Variants in ZRANB3 observed in about 807,000 individuals in gnomAD.
The protein encoded by ZRANB3 is zinc finger RANBP2-type containing 3, also known as DNA annealing helicase and endonuclease ZRANB3.
A neutral mutation model predicts 133.8 loss-of-function variants in ZRANB3; 125 were observed. The observed-to-expected ratio is 0.93, with a 90% CI of 0.81 to 1.08. The LOEUF (loss-of-function observed/expected upper bound fraction) is 1.08, where lower values mean the gene tolerates loss of function less well. Among genes scored for constraint, ZRANB3 ranks in the 50% least tolerant of loss-of-function variants. The probability of loss-of-function intolerance (pLI) is 0.00; values close to 1 mark genes in which losing one functional copy is unlikely to be tolerated. For missense variants in ZRANB3, 1,229 were observed against 1,275.5 expected (o/e 0.96, Z 0.56); for synonymous variants, 387 against 432.7 (o/e 0.89, Z 1.31).
chr2:135,494,713 T>C (rs1692585759), intron 2 of ZRANB3, among the ~76,000 whole-genome samples: 1 of 152,158 alleles, frequency 6.6e-6, no homozygotes, highest in South Asian at 2.1e-4. Context: ...CACTATGTAC[T>C]GATGCAGGAA....
chr2:135,521,773 G>GA (rs1232716420), intron 1 of ZRANB3, among the ~76,000 whole-genome samples: 2 of 152,132 alleles, frequency 1.3e-5, no homozygotes, highest in African/African-American at 2.4e-5. Context: ...TCACTTGTGA[G>GA]AAAAAATGCT....
At chr2:135,245,581 A>G (rs1417840768) in intron 12 of ZRANB3, among the ~76,000 whole-genome samples, 1 of 151,608 alleles carries the variant, frequency 6.6e-6, no homozygotes, top group African/African-American at 2.4e-5. Context: ...CCTCCCGAGT[A>G]GCTGGGACTA....
rs867287779 is a variant in ZRANB3 at position 135,404,486 on chromosome 2, C to T, written c.162-13666G>A. Reference sequence around the variant, plus strand: ...AAATCTACATCTGATTGGTGTACCTCAAAGTGACAGGGAGAATGGAACCAA... The same window carrying T: ...AAATCTACATCTGATTGGTGTACCTTAAAGTGACAGGGAGAATGGAACCAA... On this transcript the variant is annotated intron_variant, in intron 2 of 20. Transcript: ENST00000264159. Among the ~76,000 whole-genome samples the T allele has an allele frequency of 2.0e-5, 3 of 152,236 alleles. No homozygotes were observed. The South Asian group carries it at 6.2e-4, about 32-fold the overall frequency.
intron 14 of ZRANB3, among the ~76,000 whole-genome samples, chr2:135,225,263 A>G (rs1037599750): frequency 5.9e-5 from 9 of 152,310 alleles, no homozygotes; most frequent in African/African-American, 2.2e-4. Context: ...AAAACCTGCA[A>G]GCTGGCTCCA....
intron 2 of ZRANB3, among the ~76,000 whole-genome samples, chr2:135,418,882 T>C (rs148024384): frequency 6.7e-6 from 1 of 149,842 alleles, no homozygotes; most frequent in East Asian, 2.0e-4. Context: ...CCTAACTATA[T>C]ATACCTGTCA....
At chr2:135,508,035 T>A (rs1559044924) in intron 1 of ZRANB3, among the ~76,000 whole-genome samples, 1 of 152,150 alleles carries the variant, frequency 6.6e-6, no homozygotes, top group Non-Finnish European at 1.5e-5. Flanking sequence ...AGTAAAAAAT[T>A]TTAATAGACA....
At chr2:135,277,596 T>C (rs1680898717) in intron 8 of ZRANB3, among the ~76,000 whole-genome samples, 1 of 152,160 alleles carries the variant, frequency 6.6e-6, no homozygotes, top group East Asian at 1.9e-4. Flanking sequence ...CATTGGTTAT[T>C]AAGCTAAGGA....
chr2:135,297,964 C>T (rs1021718729), intron 8 of ZRANB3, among the ~76,000 whole-genome samples: 3 of 152,070 alleles, frequency 2.0e-5, no homozygotes, highest in African/African-American at 4.8e-5. Context: ...CTTGGTAGCT[C>T]ACGCCTGTAA....
intron 12 of ZRANB3, among the ~76,000 whole-genome samples, chr2:135,233,127 C>G (rs572688750): frequency 1.3e-5 from 2 of 152,256 alleles, no homozygotes; most frequent in East Asian, 1.9e-4. Context: ...AACCATGGCA[C>G]GAGAGCTATG....
intron 2 of ZRANB3, among the ~76,000 whole-genome samples, chr2:135,445,020 C>T (rs1203615565): frequency 6.6e-6 from 1 of 151,924 alleles, no homozygotes; most frequent in Non-Finnish European, 1.5e-5. Context: ...ACAATAGGAC[C>T]TGAAAAATGG....
At chr2:135,404,336 GA>G (rs1245686415) in intron 2 of ZRANB3, among the ~76,000 whole-genome samples, 1 of 152,184 alleles carries the variant, frequency 6.6e-6, no homozygotes, top group Non-Finnish European at 1.5e-5. Context: ...CTATCAACTG[GA>G]AGAAAGGGTA....
At chr2:135,270,210 T>C (rs954881548) in intron 10 of ZRANB3, among the ~76,000 whole-genome samples, 1 of 152,098 alleles carries the variant, frequency 6.6e-6, no homozygotes, top group East Asian at 1.9e-4. Flanking sequence ...GAAATAATGC[T>C]GAAAAAATAA....
In ZRANB3 at chr2:135,529,544, C is replaced by T. The variant is rs536254546; in HGVS notation, c.-8+1583G>A. 2.6e-5 allele frequency among the ~76,000 whole-genome samples: 4 copies of T among 152,120 alleles called. No homozygotes were observed. In the South Asian group the frequency reaches 6.2e-4, roughly 24 times the overall value. On this transcript the variant is annotated intron_variant, in intron 1 of 20. Transcript: ENST00000264159. Reference sequence around the variant, plus strand: ...TGAGACGGAGTCTCGCTCTGTCACCCGAGGCTGGAGTGCAGTGGCGCGATC... The same window carrying T: ...TGAGACGGAGTCTCGCTCTGTCACCTGAGGCTGGAGTGCAGTGGCGCGATC...
At position 135,280,439 on chromosome 2, in the gene ZRANB3, T is replaced by C. The variant is rs551553624; in HGVS notation, c.967-4684A>G. 1.9e-3 allele frequency among the ~76,000 whole-genome samples: 288 copies of C among 152,200 alleles called. 3 individuals are homozygous for C. Among genetic ancestry groups the C allele is most frequent in the African/African-American group, 6.6e-3 (275 of 41,538 alleles). On this transcript the variant is annotated intron_variant, in intron 8 of 20. Transcript: ENST00000264159. ...AAAATTAGCCGGGTGTGATGGCACA[T>C]GCCTGTGGTCCCAGCTACTCGGGAG...
chr2:135,316,739 G>A (rs536023904), intron 6 of ZRANB3, among the ~76,000 whole-genome samples: 45 of 152,112 alleles, frequency 3.0e-4, no homozygotes, highest in Non-Finnish European at 4.7e-4. Context: ...ACGCCAAGGC[G>A]AGCAGATCAC....
intron 7 of ZRANB3, among the ~76,000 whole-genome samples, chr2:135,314,169 A>C (rs533536648): frequency 9.9e-5 from 15 of 152,234 alleles, no homozygotes; most frequent in Middle Eastern, 3.4e-3. Flanking sequence ...CTGGCCTATA[A>C]CTTCTTAAGA....
At position 135,206,749 on chromosome 2, in the gene ZRANB3, G is replaced by C. The variant is rs542873023; in HGVS notation, c.3009+685C>G. Among the ~76,000 whole-genome samples the C allele has an allele frequency of 4.0e-5, 6 of 150,808 alleles. No homozygotes were observed. The East Asian group carries it at 1.2e-3, about 29-fold the overall frequency. On this transcript the variant is annotated intron_variant, in intron 19 of 20. Coordinates refer to ENST00000264159, the MANE Select transcript of ZRANB3 (RefSeq NM_032143.4). Reference sequence around the variant, plus strand: ...GAGAGAGAGAAAGGGGAAGAGGGAGGGGGGAACAGGGGAGGGAGAGGAAAA... The same window carrying C: ...GAGAGAGAGAAAGGGGAAGAGGGAGCGGGGAACAGGGGAGGGAGAGGAAAA...
intron 12 of ZRANB3, among the ~76,000 whole-genome samples, chr2:135,240,398 G>C (rs972842326): frequency 1.3e-5 from 2 of 152,180 alleles, no homozygotes; most frequent in African/African-American, 4.8e-5. Flanking sequence ...AGCAAAGAGA[G>C]CTTGCAGAAT....
intron 5 of ZRANB3, among the ~76,000 whole-genome samples, chr2:135,347,822 T>C (rs577178810): frequency 6.6e-6 from 1 of 152,226 alleles, no homozygotes; most frequent in South Asian, 2.1e-4. Flanking sequence ...GCAAAAATAG[T>C]GCTTAGAGGA....
Sources: allele counts gnomAD v4.1 joint callset (sites outside exome capture counted in the v4.1 genomes callset), GRCh38; gene constraint gnomAD v4.1.1; transcripts MANE v1.5; gene names NCBI Gene and HGNC (gene_info 2026-07-23, HGNC 2026-07-21).